PPP2R1B: variants seen among roughly 807,000 people sequenced by gnomAD.
The protein encoded by PPP2R1B is serine/threonine-protein phosphatase 2A 65 kDa regulatory subunit A beta isoform.
Under a neutral mutation model 72.7 loss-of-function variants are expected in PPP2R1B, and 58 were observed. The observed-to-expected ratio is 0.80, with a 90% CI of 0.65 to 0.99. The LOEUF (loss-of-function observed/expected upper bound fraction) is 0.99. Among genes scored for constraint, PPP2R1B ranks in the 50% least tolerant of loss-of-function variants. The pLI, the probability that PPP2R1B is intolerant of heterozygous loss-of-function variation, is 0.00. For missense variants in PPP2R1B, 695 were observed against 733.6 expected (o/e 0.95, Z 0.61); for synonymous variants, 256 against 264.6 (o/e 0.97, Z 0.32).
downstream of PPP2R1B, chr11:111,724,034 G>C (rs111845343): frequency 1.9e-6 from 3 of 1,614,134 alleles, no homozygotes; most frequent in South Asian, 1.1e-5. Flanking sequence ...CTCCAGCTAC[G>C]ACCCACTAGC....
downstream of PPP2R1B, chr11:111,737,744 G>A (rs568332813): frequency 3.7e-5 from 49 of 1,332,156 alleles, no homozygotes; most frequent in South Asian, 4.8e-4. Context: ...GCCCAGGGTC[G>A]TGCTGAGGTG....
At chr11:111,708,217 A>G in the PPP2R1B span, among the ~76,000 whole-genome samples, 1 of 152,096 alleles carries the variant, frequency 6.6e-6, no homozygotes, top group Non-Finnish European at 1.5e-5. Context: ...TGCCATCTCT[A>G]CTAAAAACAA....
At chr11:111,720,955 G>A in the PPP2R1B span, 1 of 1,614,132 alleles carries the variant, frequency 6.2e-7, no homozygotes, top group Non-Finnish European at 8.5e-7. Flanking sequence ...AGGAATTCTA[G>A]AGTTGAACAA....
chr11:111,702,011 T>C, the PPP2R1B span, among the ~76,000 whole-genome samples: 6 of 152,256 alleles, frequency 3.9e-5, no homozygotes, highest in African/African-American at 1.4e-4. Context: ...TGTATTGAGC[T>C]GTTACCTAGA....
downstream of PPP2R1B, chr11:111,724,032 A>G (rs1230708112): frequency 1.2e-6 from 2 of 1,614,190 alleles, no homozygotes; most frequent in Non-Finnish European, 1.7e-6. Context: ...CCCTCCAGCT[A>G]CGACCCACTA....
At chr11:111,697,922 A>C in the PPP2R1B span, among the ~76,000 whole-genome samples, 3 of 152,322 alleles carry the variant, frequency 2.0e-5, 1 homozygote, top group Admixed American at 2.0e-4. Flanking sequence ...AGGCAAAAAG[A>C]TCACTTGAGC....
At chr11:111,758,078 A>T (rs1469061787) in intron 5 of PPP2R1B, among the ~76,000 whole-genome samples, 1 of 152,122 alleles carries the variant, frequency 6.6e-6, no homozygotes, top group African/African-American at 2.4e-5. Context: ...CCTATTAACA[A>T]CATCATCTCA....
intron 15 of PPP2R1B, among the ~76,000 whole-genome samples, chr11:111,731,024 A>AAAT (rs1483102799): frequency 6.6e-6 from 1 of 152,356 alleles, no homozygotes; most frequent in East Asian, 1.9e-4. Context: ...TCAGCAGGGT[A>AAAT]AATAATACCT....
At chr11:111,705,856 GGA>G in the PPP2R1B span, among the ~76,000 whole-genome samples, 2 of 152,304 alleles carry the variant, frequency 1.3e-5, no homozygotes, top group East Asian at 3.9e-4. The surrounding 1 kb of genome is among the most constrained non-coding windows in gnomAD (Gnocchi z 4.3). Context: ...GAAGAAATTT[GGA>G]GAGAGCAGTT....
chr11:111,722,880 A>T, downstream of PPP2R1B: 1 of 836,336 alleles, frequency 1.2e-6, no homozygotes, highest in Non-Finnish European at 1.9e-6. The surrounding 1 kb of genome is among the most constrained non-coding windows in gnomAD (Gnocchi z 4.4). Flanking sequence ...TGCGTGTGTC[A>T]CAGGCCCTCT....
the PPP2R1B span, chr11:111,720,647 G>A: frequency 1.9e-6 from 3 of 1,614,056 alleles, no homozygotes; most frequent in Non-Finnish European, 2.5e-6. Context: ...TCATAAGCCT[G>A]AGACCTACCA....
chr11:111,737,319 C>A (rs1039867701), downstream of PPP2R1B: 19 of 1,407,726 alleles, frequency 1.3e-5, no homozygotes, highest in Non-Finnish European at 1.7e-5. Context: ...AAATTGGACT[C>A]TTCCCCTGGG....
chr11:111,737,301 G>T, downstream of PPP2R1B: 1 of 1,208,408 alleles, frequency 8.3e-7, no homozygotes, highest in African/African-American at 1.5e-5. Flanking sequence ...ATCTACTCCC[G>T]GCCCTTAAAA....
chr11:111,755,503 C>T (rs958518720), intron 5 of PPP2R1B, 53 bp from the exon 6 acceptor site: 20 of 1,534,570 alleles, frequency 1.3e-5, no homozygotes, highest in African/African-American at 2.8e-5. Context: ...CCATGGGGAA[C>T]TGCTGTGGGG....
At position 111,755,085 on chromosome 11, in the gene PPP2R1B, C is replaced by T. The variant is rs984252934; in HGVS notation, c.853G>A (p.Ala285Thr). ...VADRFSELQKAMGPKITLNDL... is the reference protein window; with the variant it reads ...VADRFSELQKTMGPKITLNDL... Reference sequence around the variant, plus strand: ...TTTAGGGTGATTTTAGGACCCATGGCTTTCTGGAGCTATAAAAGAATTTGA... The same window carrying T: ...TTTAGGGTGATTTTAGGACCCATGGTTTTCTGGAGCTATAAAAGAATTTGA... Residue 285 changes from alanine (A) to threonine (T), a missense_variant, in exon 7 of 15, where the codon GCC becomes ACC. Coordinates refer to ENST00000527614, the MANE Select transcript of PPP2R1B (RefSeq NM_002716.5). The T allele has an allele frequency of 3.7e-6, 6 of 1,607,858 alleles. No homozygotes were observed. The highest frequency in any genetic ancestry group is 3.4e-5 in the Admixed American group (2 of 59,220).
Position 111,739,612 on chromosome 11 carries a change from C to G in PPP2R1B, c.*1984G>C, listed in dbSNP as rs891985911. ...GCTTAGGGCTCCTCACTGGGAGACA[C>G]AAGGGCATTTTAAAAGTCTGTCCCC... is the stretch of plus-strand genomic sequence containing the variant. On this transcript the variant is annotated 3_prime_UTR_variant, in exon 15 of 15. Transcript: ENST00000527614. 11 of 985,262 alleles carry G rather than the reference C, an allele frequency of 1.1e-5. No homozygotes were observed. Among genetic ancestry groups the G allele is most frequent in the African/African-American group, 1.7e-5 (1 of 57,228 alleles). The allele number at this position is 985,262 out of a possible 1,614,324, so 61.0% of individuals were successfully genotyped here.
downstream of PPP2R1B, among the ~76,000 whole-genome samples, chr11:111,733,386 G>A (rs961947812): frequency 1.3e-5 from 2 of 152,134 alleles, no homozygotes; most frequent in Non-Finnish European, 2.9e-5. Flanking sequence ...CTGGAGCCGA[G>A]CCCCCAAAAG....
intron 15 of PPP2R1B, among the ~76,000 whole-genome samples, chr11:111,731,632 G>C (rs982807404): frequency 6.6e-6 from 1 of 152,202 alleles, no homozygotes; most frequent in Non-Finnish European, 1.5e-5. Context: ...TTCCCTCCCT[G>C]CGGGGTGAGC....
the PPP2R1B span, among the ~76,000 whole-genome samples, chr11:111,700,488 T>C: frequency 6.6e-6 from 1 of 152,248 alleles, no homozygotes; most frequent in Non-Finnish European, 1.5e-5. Context: ...CTTAGAGCTT[T>C]ACTCATTTGT....
Sources: gnomAD v4.1 joint callset for allele counts (sites outside exome capture counted in the v4.1 genomes callset) on GRCh38, gnomAD v4.1.1 for gene constraint, Gnocchi (gnomAD v3.1) non-coding constraint, MANE v1.5 for transcripts, NCBI Gene and HGNC (gene_info 2026-07-23, HGNC 2026-07-21) for gene names.